Variants in ITGB6 observed in about 807,000 individuals in gnomAD.
The protein encoded by ITGB6 is integrin subunit beta 6.
A neutral mutation model predicts 84.5 loss-of-function variants in ITGB6; 80 were observed. The observed-to-expected ratio is 0.95, with a 90% confidence interval of 0.79 to 1.14. The LOEUF (loss-of-function observed/expected upper bound fraction) is 1.14, where lower values mean the gene tolerates loss of function less well. Among genes scored for constraint, ITGB6 ranks in the 50% most tolerant of loss-of-function variants. The pLI, the probability that ITGB6 is intolerant of heterozygous loss-of-function variation, is 0.00. For synonymous variants in ITGB6, 383 were observed against 354.9 expected (o/e 1.08, Z -0.89); for missense variants, 1,006 against 968.0 (o/e 1.04, Z -0.52).
chr2:160,153,626 G>C (rs548224329), intron 7 of ITGB6, among the ~76,000 whole-genome samples: 1 of 152,150 alleles, frequency 6.6e-6, no homozygotes, highest in African/African-American at 2.4e-5. Flanking sequence ...CACAGTAAAA[G>C]AAACTACCAT....
chr2:160,162,557 C>A (rs1684860682), intron 7 of ITGB6, among the ~76,000 whole-genome samples: 1 of 152,036 alleles, frequency 6.6e-6, no homozygotes, highest in Admixed American at 6.6e-5. Flanking sequence ...AAATCCAAAG[C>A]AAATATGGTG....
chr2:160,197,394 C>T (rs1404514717), intron 2 of ITGB6, among the ~76,000 whole-genome samples: 1 of 152,092 alleles, frequency 6.6e-6, no homozygotes, highest in Non-Finnish European at 1.5e-5. Context: ...GAGATGTGGC[C>T]GTTCAAATTC....
intron 4 of ITGB6, among the ~76,000 whole-genome samples, chr2:160,187,841 G>A (rs1685965569): frequency 6.6e-6 from 1 of 151,944 alleles, no homozygotes; most frequent in African/African-American, 2.4e-5. Flanking sequence ...TGATGATTAT[G>A]GGTATATATA....
chr2:160,195,287 G>C, intron 4 of ITGB6, 82 bp downstream of exon 4: 1 of 1,535,730 alleles, frequency 6.5e-7, no homozygotes. Flanking sequence ...GAGTTAGCAA[G>C]CTCCTGGCAA....
intron 6 of ITGB6, 114 bp from the exon 7 acceptor site, chr2:160,169,421 T>C (rs920872847): frequency 3.3e-6 from 2 of 599,518 alleles, no homozygotes; most frequent in Non-Finnish European, 5.9e-6. Flanking sequence ...CTCACAGGCA[T>C]TATAGCTCTA....
intron 7 of ITGB6, among the ~76,000 whole-genome samples, chr2:160,156,195 T>G (rs1195730774): frequency 6.6e-6 from 1 of 152,188 alleles, no homozygotes; most frequent in Non-Finnish European, 1.5e-5. Context: ...AGGGGCTCAG[T>G]TCTGTTGGGT....
chr2:160,126,288 C>A, intron 11 of ITGB6, 91 bp downstream of exon 11: 1 of 1,198,936 alleles, frequency 8.3e-7, no homozygotes, highest in Non-Finnish European at 1.2e-6. Context: ...CCAGCAAATA[C>A]AATCTGAGGT....
At chr2:160,196,543 T>A in intron 2 of ITGB6, 123 bp from the exon 3 acceptor site, 1 of 736,500 alleles carries the variant, frequency 1.4e-6, no homozygotes, top group East Asian at 2.6e-5. Flanking sequence ...CCATATTGTA[T>A]CCCTACATGA....
chr2:160,103,034 G>A (rs187039414), intron 14 of ITGB6, among the ~76,000 whole-genome samples: 118 of 152,060 alleles, frequency 7.8e-4, no homozygotes, highest in African/African-American at 2.8e-3. Context: ...TTTTCCCCCA[G>A]GGCTTTGGTA....
intron 4 of ITGB6, among the ~76,000 whole-genome samples, chr2:160,179,705 C>T (rs1685583945): frequency 6.6e-6 from 1 of 151,812 alleles, no homozygotes; most frequent in African/African-American, 2.4e-5. Context: ...TCCAGCATTT[C>T]ATGCTTAGTT....
intron 7 of ITGB6, among the ~76,000 whole-genome samples, chr2:160,163,676 G>T (rs944908096): frequency 6.6e-6 from 1 of 151,970 alleles, no homozygotes; most frequent in Admixed American, 6.6e-5. Context: ...GTGTCTGGTG[G>T]TCTAGTGGTC....
In ITGB6 at chr2:160,101,012, T is replaced by C. The variant is rs1696697612; in HGVS notation, c.*724A>G. On this transcript the variant is annotated 3_prime_UTR_variant, in exon 15 of 15. Transcript: ENST00000283249. ...ACTCAGAGTCAAAAAGGAAACAGTG[T>C]AGAATATCGTTTTTCAGGTAATTTA... The C allele has an allele frequency of 6.6e-6, 1 of 152,250 alleles. No homozygotes were observed. The highest frequency in any genetic ancestry group is 1.5e-5 in the Non-Finnish European group (1 of 68,056). The allele number at this position is 152,250 out of a possible 1,614,324, so 9.4% of individuals were successfully genotyped here.
chr2:160,104,505 G>A (rs1023097784), intron 14 of ITGB6, among the ~76,000 whole-genome samples: 1 of 152,186 alleles, frequency 6.6e-6, no homozygotes, highest in Non-Finnish European at 1.5e-5. Flanking sequence ...CCAGGTGTCT[G>A]GGAGTGCTAA....
chr2:160,156,440 C>G (rs1291277469), intron 7 of ITGB6, among the ~76,000 whole-genome samples: 1 of 152,128 alleles, frequency 6.6e-6, no homozygotes, highest in South Asian at 2.1e-4. Flanking sequence ...CTCTGAAACC[C>G]AAGGCTCTCG....
chr2:160,183,893 G>A (rs899157360), intron 4 of ITGB6, among the ~76,000 whole-genome samples: 1 of 152,114 alleles, frequency 6.6e-6, no homozygotes, highest in Admixed American at 6.5e-5. Flanking sequence ...GGTAAATAAC[G>A]AAATGAAGGC....
chr2:160,108,383 A>G (rs1696996149), intron 13 of ITGB6, among the ~76,000 whole-genome samples: 2 of 152,192 alleles, frequency 1.3e-5, no homozygotes, highest in Admixed American at 6.5e-5. Context: ...TAGACAGAAG[A>G]CAATGATGGG....
At chr2:160,124,378 CTT>C (rs1275721815) in intron 11 of ITGB6, among the ~76,000 whole-genome samples, 3 of 152,140 alleles carry the variant, frequency 2.0e-5, no homozygotes, top group African/African-American at 4.8e-5. Context: ...TTCTGTAACT[CTT>C]TTGAATAAGT....
intron 4 of ITGB6, among the ~76,000 whole-genome samples, chr2:160,176,474 T>G (rs1241870829): frequency 2.0e-5 from 3 of 152,236 alleles, no homozygotes; most frequent in Non-Finnish European, 4.4e-5. Flanking sequence ...TGTTTAACTT[T>G]AACTCTCAGA....
intron 4 of ITGB6, 132 bp from the exon 5 acceptor site, chr2:160,174,271 T>C: frequency 1.5e-6 from 1 of 656,320 alleles, no homozygotes; most frequent in South Asian, 2.0e-5. Context: ...GCAACTCAGC[T>C]ATGAATCTCA....
Sources: allele counts gnomAD v4.1 joint callset (sites outside exome capture counted in the v4.1 genomes callset), GRCh38; gene constraint gnomAD v4.1.1; transcripts MANE v1.5; gene names NCBI Gene and HGNC (gene_info 2026-07-23, HGNC 2026-07-21).